DIAPH2: variants seen among roughly 807,000 people sequenced by gnomAD.
The protein encoded by DIAPH2 is protein diaphanous homolog 2.
A neutral mutation model predicts 92.7 loss-of-function variants in DIAPH2; 35 were observed. The observed-to-expected ratio is 0.38, with a 90% CI of 0.29 to 0.50. The LOEUF is 0.50. Among genes scored for constraint, DIAPH2 ranks in the 20% least tolerant of loss-of-function variants. The pLI is 0.94. For synonymous variants in DIAPH2, 301 were observed against 280.4 expected (o/e 1.07, Z -0.73); for missense variants, 701 against 819.5 (o/e 0.86, Z 1.77).
chrX:96,926,845 A>G (rs2065585240), intron 9 of DIAPH2, among the ~76,000 whole-genome samples: 1 of 111,601 alleles, frequency 9.0e-6, no homozygotes, highest in African/African-American at 3.2e-5. Flanking sequence ...TAGCATATGT[A>G]TTAATAATGG....
chrX:96,828,491 C>T (rs1409143925), intron 4 of DIAPH2, among the ~76,000 whole-genome samples: 2 of 111,863 alleles, frequency 1.8e-5, no homozygotes, highest in African/African-American at 6.5e-5. Context: ...GGAAATTTTG[C>T]ATGCTCTACA....
At chrX:97,113,576 C>T (rs978164639) in intron 20 of DIAPH2, among the ~76,000 whole-genome samples, 4 of 112,044 alleles carry the variant, frequency 3.6e-5, no homozygotes, top group African/African-American at 1.3e-4. Flanking sequence ...TTTGGAGAGG[C>T]AGATGTTCAT....
chrX:97,172,420 T>C (rs1249114484), intron 22 of DIAPH2, among the ~76,000 whole-genome samples: 6 of 111,790 alleles, frequency 5.4e-5, no homozygotes, highest in Admixed American at 1.9e-4. Context: ...GGGATCAGAA[T>C]TGACAATCAG....
At chrX:97,426,059 A>G (rs974399389) in intron 25 of DIAPH2, among the ~76,000 whole-genome samples, 1 of 109,856 alleles carries the variant, frequency 9.1e-6, no homozygotes, top group Non-Finnish European at 1.9e-5. Flanking sequence ...CATTATTTCT[A>G]CTTATATATT....
intron 19 of DIAPH2, 120 bp downstream of exon 19, chrX:97,075,381 A>T: frequency 2.7e-6 from 1 of 374,401 alleles, no homozygotes; most frequent in Non-Finnish European, 4.6e-6. Context: ...GACATTGAAT[A>T]GTTTAATAAA....
chrX:97,205,883 A>G (rs1262920508), intron 22 of DIAPH2, among the ~76,000 whole-genome samples: 4 of 111,782 alleles, frequency 3.6e-5, no homozygotes, highest in Non-Finnish European at 5.6e-5. Context: ...TATTTACAAT[A>G]GCAAAGACCT....
At chrX:97,017,626 G>A (rs2066269307) in intron 17 of DIAPH2, among the ~76,000 whole-genome samples, 1 of 112,311 alleles carries the variant, frequency 8.9e-6, no homozygotes, top group African/African-American at 3.2e-5. Flanking sequence ...TCCATTTTAT[G>A]TAATTTAATT....
chrX:96,939,544 ATG>A (rs1302450930), intron 12 of DIAPH2, among the ~76,000 whole-genome samples, 162 bp downstream of exon 12: 3 of 72,629 alleles, frequency 4.1e-5, no homozygotes, highest in African/African-American at 5.3e-5. Flanking sequence ...ATATATATGT[ATG>A]TATATATGTA....
chrX:97,035,751 G>A (rs1306274084), intron 17 of DIAPH2, among the ~76,000 whole-genome samples: 1 of 111,185 alleles, frequency 9.0e-6, no homozygotes, highest in East Asian at 2.8e-4. Flanking sequence ...CCTCATGCCT[G>A]TAATCCCAGC....
intron 9 of DIAPH2, among the ~76,000 whole-genome samples, chrX:96,922,180 C>G (rs531756459): frequency 1.0e-3 from 115 of 111,331 alleles, no homozygotes; most frequent in African/African-American, 3.6e-3. Context: ...AGGGAAAGCA[C>G]AGATTATACA....
chrX:97,271,490 C>T lies in DIAPH2; in HGVS notation c.2844+23651C>T, dbSNP rs149872792. Among the ~76,000 whole-genome samples the T allele has an allele frequency of 3.8e-3, 421 of 111,493 alleles. 1 individual carries two copies. Among genetic ancestry groups the T allele is most frequent in the African/African-American group, 0.013 (389 of 30,675 alleles). On this transcript the variant is annotated intron_variant, in intron 23 of 26. Transcript: ENST00000324765. ...CAAGGTAATTCAACAGCCAGAAATA[C>T]AGAGCTTTATAGTACTGATCAGTCT...
chrX:96,738,774 C>T lies in DIAPH2; in HGVS notation c.342+12C>T. 8.5e-7 allele frequency: 1 copy of T among 1,177,592 alleles called. No homozygotes were observed. Among genetic ancestry groups the T allele is most frequent in the Non-Finnish European group, 1.1e-6 (1 of 871,478 alleles). The stretch of plus-strand genomic sequence containing the variant: ...TTGAAAAAATGATGGTAAGTTATAC[C>T]CCTAATTTTGATGTAATTTTAAAAT... On this transcript the variant is annotated intron_variant, in intron 3 of 26. Coordinates refer to ENST00000324765, the MANE Select transcript of DIAPH2 (RefSeq NM_006729.5).
intron 17 of DIAPH2, among the ~76,000 whole-genome samples, chrX:96,986,986 A>G (rs757431382): frequency 9.0e-6 from 1 of 111,669 alleles, no homozygotes; most frequent in South Asian, 3.7e-4. Context: ...TTTGAGACCA[A>G]ATTTTAATCA....
chrX:97,297,746 T>G (rs1363026925), intron 23 of DIAPH2, among the ~76,000 whole-genome samples: 7 of 110,179 alleles, frequency 6.4e-5, no homozygotes, highest in African/African-American at 2.3e-4. Context: ...TAAGCATTAC[T>G]ATTATGACTA....
intron 26 of DIAPH2, among the ~76,000 whole-genome samples, chrX:97,464,505 A>G (rs2070492598): frequency 9.1e-6 from 1 of 110,419 alleles, no homozygotes; most frequent in Non-Finnish European, 1.9e-5. Context: ...TCAAGTGCCT[A>G]TCTTTATGTG....
chrX:97,296,776 CTTT>C (rs1277806851), intron 23 of DIAPH2, among the ~76,000 whole-genome samples: 3 of 97,337 alleles, frequency 3.1e-5, no homozygotes. Context: ...GGCTACAGAA[CTTT>C]TTTTTTTTTT....
intron 17 of DIAPH2, among the ~76,000 whole-genome samples, chrX:96,982,422 A>G (rs1048250967): frequency 9.8e-5 from 11 of 112,521 alleles, no homozygotes; most frequent in African/African-American, 3.5e-4. Context: ...GATAAGAATA[A>G]ACTGATAACT....
At chrX:96,886,901 GA>G (rs1278147040) in intron 5 of DIAPH2, among the ~76,000 whole-genome samples, 17 of 86,960 alleles carry the variant, frequency 2.0e-4, no homozygotes, top group Admixed American at 5.2e-4. Context: ...TGCGGAGGGG[GA>G]AAAAAACTCT....
chrX:96,721,850 A>G (rs1169885127), intron 1 of DIAPH2, among the ~76,000 whole-genome samples: 1 of 111,671 alleles, frequency 9.0e-6, no homozygotes, highest in Non-Finnish European at 1.9e-5. Context: ...AATAATAATA[A>G]TAGCTACATT....
Sources: gnomAD v4.1 joint callset for allele counts (sites outside exome capture counted in the v4.1 genomes callset) on GRCh38, gnomAD v4.1.1 for gene constraint, MANE v1.5 for transcripts, NCBI Gene and HGNC (gene_info 2026-07-23, HGNC 2026-07-21) for gene names.